The following SGCD variants were observed in gnomAD, a reference collection of about 807,000 sequenced individuals.
The protein encoded by SGCD is sarcoglycan delta.
SGCD carries 18 observed loss-of-function variants against 36.6 expected under a neutral mutation model. The ratio of observed to expected loss-of-function variants is 0.49; its 90% CI spans 0.34 to 0.73. The LOEUF is 0.73. Ranked by LOEUF, SGCD falls within the 30% of genes least tolerant of loss-of-function variation. The pLI, the probability that SGCD is intolerant of heterozygous loss-of-function variation, is 0.01. For missense variants in SGCD, 387 were observed against 346.7 expected (o/e 1.12, Z -0.92); for synonymous variants, 133 against 130.6 (o/e 1.02, Z -0.12).
intron 1 of SGCD, among the ~76,000 whole-genome samples, chr5:156,116,540 T>C (rs1284919293): frequency 6.6e-6 from 1 of 152,144 alleles, no homozygotes; most frequent in Non-Finnish European, 1.5e-5. Context: ...CCATAAGCAA[T>C]GTACGGAGAT....
chr5:156,653,927 G>A (rs956951500), intron 7 of SGCD, among the ~76,000 whole-genome samples: 3 of 151,968 alleles, frequency 2.0e-5, no homozygotes, highest in Non-Finnish European at 4.4e-5. Flanking sequence ...AGACTCTTGA[G>A]GTGAAGCAAA....
At chr5:156,562,993 T>C (rs1759329544) in intron 4 of SGCD, among the ~76,000 whole-genome samples, 1 of 152,058 alleles carries the variant, frequency 6.6e-6, no homozygotes. Context: ...TATTATTATT[T>C]TGAGACGGAG....
At chr5:156,643,374 A>ATT (rs1365576926) in intron 6 of SGCD, among the ~76,000 whole-genome samples, 1 of 152,112 alleles carries the variant, frequency 6.6e-6, no homozygotes, top group East Asian at 1.9e-4. Context: ...CTAGTGGAGG[A>ATT]TACTATATTA....
chr5:156,540,635 T>A (rs1758314665), intron 4 of SGCD, among the ~76,000 whole-genome samples: 1 of 152,202 alleles, frequency 6.6e-6, no homozygotes, highest in Non-Finnish European at 1.5e-5. Flanking sequence ...TTAACAAGTA[T>A]GTATTGATTC....
chr5:155,945,956 TG>T (rs565639275), intron 1 of SGCD, among the ~76,000 whole-genome samples: 144 of 152,050 alleles, frequency 9.5e-4, no homozygotes, highest in African/African-American at 3.4e-3. Context: ...TGTGACAGGG[TG>T]GGAGCATGAA....
At chr5:156,552,235 A>G (rs1444947904) in intron 4 of SGCD, among the ~76,000 whole-genome samples, 1 of 152,186 alleles carries the variant, frequency 6.6e-6, no homozygotes. Context: ...TCAAGGTGAG[A>G]GCCTATAAGG....
chr5:156,059,205 G>A (rs1463774649), intron 1 of SGCD, among the ~76,000 whole-genome samples: 2 of 145,556 alleles, frequency 1.4e-5, no homozygotes, highest in African/African-American at 4.9e-5. Context: ...GGCTTAACAA[G>A]CAAAACCCAA....
intron 4 of SGCD, among the ~76,000 whole-genome samples, chr5:156,543,895 C>CA (rs1193368817): frequency 6.6e-6 from 1 of 152,000 alleles, no homozygotes; most frequent in African/African-American, 2.4e-5. Context: ...GGAATTAGTC[C>CA]AAAGACTGGA....
chr5:156,711,260 A>G (rs1307571624), intron 7 of SGCD, among the ~76,000 whole-genome samples: 2 of 152,112 alleles, frequency 1.3e-5, no homozygotes, highest in Non-Finnish European at 2.9e-5. Context: ...CAGGTGCTTT[A>G]CAGTGTTTTC....
In SGCD at chr5:156,173,833, A is replaced by G. The variant is rs76935847; in HGVS notation, c.-44+49814A>G. On this transcript the variant is annotated intron_variant, in intron 3 of 9. Coordinates refer to the SGCD transcript ENST00000517913. ...CTTTTGATAGTAAATTAAAAAAAAA[A>G]CACTGTATCTATAGTTTTTTTGATG... Among the ~76,000 whole-genome samples, 121 of 151,104 alleles carry G rather than the reference A, an allele frequency of 8.0e-4. 2 individuals are homozygous for G. Among genetic ancestry groups the G allele is most frequent in the East Asian group, 9.8e-4 (5 of 5,112 alleles).
chr5:156,654,102 G>C (rs1476620951), intron 7 of SGCD, among the ~76,000 whole-genome samples: 1 of 152,050 alleles, frequency 6.6e-6, no homozygotes, highest in Non-Finnish European at 1.5e-5. Flanking sequence ...TGGCAGAAAA[G>C]GCATAATAAA....
the SGCD span, among the ~76,000 whole-genome samples, chr5:155,762,905 G>T: frequency 6.6e-6 from 1 of 152,124 alleles, no homozygotes; most frequent in African/African-American, 2.4e-5. Context: ...GGTTAAGTCA[G>T]CCAGCATATA....
At chr5:156,120,761 A>C (rs1275375327) in intron 2 of SGCD, among the ~76,000 whole-genome samples, 1 of 152,090 alleles carries the variant, frequency 6.6e-6, no homozygotes, top group Admixed American at 6.6e-5. Flanking sequence ...TAAGAAAAGA[A>C]GAAAGAAAGA....
At chr5:156,450,497 C>T (rs765377052) in intron 3 of SGCD, among the ~76,000 whole-genome samples, 82 of 146,290 alleles carry the variant, frequency 5.6e-4, no homozygotes, top group Middle Eastern at 3.6e-3. Flanking sequence ...TGTAAATAAA[C>T]CAGAACAAGA....
chr5:156,088,202 C>G (rs1378940294), intron 1 of SGCD, among the ~76,000 whole-genome samples: 1 of 151,948 alleles, frequency 6.6e-6, no homozygotes, highest in African/African-American at 2.4e-5. Flanking sequence ...TTTGAAGAAA[C>G]CTGTTTTTAT....
At chr5:156,296,468 T>C (rs1458587492) in intron 3 of SGCD, among the ~76,000 whole-genome samples, 7 of 152,216 alleles carry the variant, frequency 4.6e-5, no homozygotes, top group Non-Finnish European at 1.0e-4. Flanking sequence ...CATTTATAGC[T>C]ATAAATTTAC....
chr5:155,910,987 C>T (rs1756616511), intron 1 of SGCD, among the ~76,000 whole-genome samples: 1 of 152,078 alleles, frequency 6.6e-6, no homozygotes, highest in Non-Finnish European at 1.5e-5. Flanking sequence ...CTTGTTCTAT[C>T]ACAGAGCCAG....
At chr5:155,925,429 C>A (rs968227782) in intron 1 of SGCD, among the ~76,000 whole-genome samples, 2 of 152,186 alleles carry the variant, frequency 1.3e-5, no homozygotes, top group Admixed American at 6.5e-5. Flanking sequence ...TCTCTGCAGG[C>A]TCAAGCAAAG....
intron 3 of SGCD, among the ~76,000 whole-genome samples, chr5:156,395,318 T>C (rs1375286023): frequency 1.3e-5 from 2 of 152,218 alleles, no homozygotes; most frequent in Non-Finnish European, 2.9e-5. Context: ...GGATGTATAT[T>C]TGGCTTTCTC....
Sources: gnomAD v4.1 joint callset for allele counts (sites outside exome capture counted in the v4.1 genomes callset) on GRCh38, gnomAD v4.1.1 for gene constraint, MANE v1.5 for transcripts, NCBI Gene and HGNC (gene_info 2026-07-23, HGNC 2026-07-21) for gene names.